Variants in PAPSS1 observed in about 807,000 individuals in gnomAD.
The protein encoded by PAPSS1 is bifunctional 3'-phosphoadenosine 5'-phosphosulfate synthase 1.
A neutral mutation model predicts 72.0 loss-of-function variants in PAPSS1; 50 were observed. The ratio of observed to expected loss-of-function variants is 0.69; its 90% CI spans 0.55 to 0.88. PAPSS1 has a LOEUF of 0.88. Among genes scored for constraint, PAPSS1 ranks in the 40% least tolerant of loss-of-function variants. PAPSS1 has a pLI of 0.00. For synonymous variants in PAPSS1, 261 were observed against 263.6 expected (o/e 0.99, Z 0.09); for missense variants, 657 against 782.2 (o/e 0.84, Z 1.91).
chr4:107,694,168 A>T (rs535545365), intron 2 of PAPSS1, 162 bp from the exon 3 acceptor site: 1 of 588,288 alleles, frequency 1.7e-6, no homozygotes, highest in Non-Finnish European at 3.0e-6. Context: ...GACTCAAGAG[A>T]TCATGCCTCA....
intron 10 of PAPSS1, among the ~76,000 whole-genome samples, chr4:107,634,166 C>T (rs148642381): frequency 4.8e-4 from 73 of 151,824 alleles, no homozygotes; most frequent in African/African-American, 1.5e-3. Flanking sequence ...CACAGAGATG[C>T]GCCACCATGC....
chr4:107,631,885 T>A, intron 10 of PAPSS1, 25 bp from the exon 11 acceptor site: 2 of 1,517,966 alleles, frequency 1.3e-6, no homozygotes, highest in Non-Finnish European at 1.8e-6. Flanking sequence ...TCATTTTAGG[T>A]AACTTTGCTT....
At chr4:107,655,802 T>C (rs1293370978) in intron 7 of PAPSS1, among the ~76,000 whole-genome samples, 2 of 152,134 alleles carry the variant, frequency 1.3e-5, no homozygotes, top group Non-Finnish European at 2.9e-5. Flanking sequence ...GACTAAATCA[T>C]CGTAAAGGAG....
intron 1 of PAPSS1, among the ~76,000 whole-genome samples, chr4:107,706,861 G>T (rs928618298): frequency 2.0e-5 from 3 of 152,208 alleles, no homozygotes; most frequent in African/African-American, 7.2e-5. Flanking sequence ...AGGCTGGCCT[G>T]GTATCTGGGT....
chr4:107,657,651 C>T (rs972584360), intron 6 of PAPSS1, among the ~76,000 whole-genome samples: 8 of 151,760 alleles, frequency 5.3e-5, no homozygotes, highest in African/African-American at 1.7e-4. Context: ...GGCCAGGAAT[C>T]GCTTGAGCCC....
chr4:107,685,376 C>T (rs1177368751), intron 4 of PAPSS1, among the ~76,000 whole-genome samples: 5 of 152,164 alleles, frequency 3.3e-5, no homozygotes, highest in Non-Finnish European at 5.9e-5. Context: ...CCTCACCAAT[C>T]CATTCTTTCA....
chr4:107,660,118 T>C (rs748625124), intron 5 of PAPSS1, 46 bp from the exon 6 acceptor site: 9 of 984,012 alleles, frequency 9.1e-6, no homozygotes, highest in African/African-American at 1.7e-5. Flanking sequence ...TTCAAGAATT[T>C]AGAGTTCACC....
intron 5 of PAPSS1, among the ~76,000 whole-genome samples, chr4:107,661,200 A>T (rs1210694342): frequency 6.6e-6 from 1 of 152,242 alleles, no homozygotes; most frequent in African/African-American, 2.4e-5. Flanking sequence ...CACTGACAAC[A>T]TCTAATGTTG....
intron 10 of PAPSS1, among the ~76,000 whole-genome samples, chr4:107,642,808 C>T (rs1726583594): frequency 6.6e-6 from 1 of 152,114 alleles, no homozygotes; most frequent in Admixed American, 6.5e-5. Context: ...AAAGGACACT[C>T]AAGTACTGGT....
chr4:107,716,852 T>C (rs551359532), intron 1 of PAPSS1, among the ~76,000 whole-genome samples: 3 of 152,358 alleles, frequency 2.0e-5, no homozygotes, highest in African/African-American at 7.2e-5. Flanking sequence ...CCCATCTCTT[T>C]GCCTATTGTC....
At chr4:107,656,842 A>T in intron 7 of PAPSS1, 54 bp downstream of exon 7, 1 of 1,215,638 alleles carries the variant, frequency 8.2e-7, no homozygotes, top group East Asian at 2.3e-5. Flanking sequence ...AATCTCTGCA[A>T]CTATGTAATT....
chr4:107,645,056 A>C lies in PAPSS1; in HGVS notation c.1252T>G (p.Phe418Val). 6.6e-7 allele frequency: 1 copy of C among 1,523,386 alleles called. No homozygotes were observed. Among genetic ancestry groups the C allele is most frequent in the Non-Finnish European group, 8.8e-7 (1 of 1,133,630 alleles). The allele number at this position is 1,523,386 out of a possible 1,614,324, so 94.4% of individuals were successfully genotyped here. A position where few individuals can be genotyped will look rare whatever the true frequency, so the allele number is the denominator to read the frequency against. ...TTGTGCACTGGGTTGCGTAGTTGAA[A>C]TGCAAAGACAGCATCTGAAAAGAGA... ...KDMNADAVFA[F>V]QLRNPVHNGH... Residue 418 changes from phenylalanine to valine, a missense_variant, in exon 10 of 12, where the codon TTT (phenylalanine) becomes GTT (valine). Phe to Val is a conservative substitution (Grantham distance 50). Around this residue, in one of 7 missense-constraint regions of PAPSS1, gnomAD observed 166 missense variants for 228.3 expected, o/e 0.73. Transcript: ENST00000265174.
intron 11 of PAPSS1, among the ~76,000 whole-genome samples, chr4:107,625,607 G>C (rs1726073679): frequency 6.6e-6 from 1 of 152,188 alleles, no homozygotes; most frequent in Admixed American, 6.5e-5. Context: ...CTTCAGATAA[G>C]AACCCAACCT....
chr4:107,642,839 G>A (rs556138564), intron 10 of PAPSS1, among the ~76,000 whole-genome samples: 5 of 152,174 alleles, frequency 3.3e-5, no homozygotes, highest in Admixed American at 1.3e-4. Context: ...ACTGCTGATG[G>A]GAGTGTAAAA....
chr4:107,648,713 AT>A (rs1416398222), intron 9 of PAPSS1, among the ~76,000 whole-genome samples: 1 of 152,212 alleles, frequency 6.6e-6, no homozygotes, highest in African/African-American at 2.4e-5. Context: ...CTAAATCAAT[AT>A]AGCAGCTAAA....
chr4:107,705,136 T>A (rs1363678384), intron 1 of PAPSS1, among the ~76,000 whole-genome samples: 1 of 152,230 alleles, frequency 6.6e-6, no homozygotes, highest in Non-Finnish European at 1.5e-5. Context: ...TCTAGTGTCC[T>A]TTTGTGGCTT....
intron 1 of PAPSS1, among the ~76,000 whole-genome samples, chr4:107,714,245 A>C (rs1723579091): frequency 1.3e-5 from 2 of 152,106 alleles, no homozygotes; most frequent in Admixed American, 6.6e-5. Context: ...TCCTCTTAGT[A>C]ATTTTCCATC....
Position 107,693,852 on chromosome 4 carries a change from A to C in PAPSS1, c.330T>G (p.Val110=). The change falls in exon 3 of 12, where the codon GTT becomes GTG. Residue 110 remains valine, a synonymous_variant. Coordinates refer to ENST00000265174, the MANE Select transcript of PAPSS1 (RefSeq NM_005443.5). ...GFSPEDREEN[V]RRIAEVAKLF... Reference sequence around the variant, plus strand: ...GTTTAGCAACTTCTGCGATGCGTCGAACATTCTCTTCTCTGTCTTCAGGAC... The same window carrying C: ...GTTTAGCAACTTCTGCGATGCGTCGCACATTCTCTTCTCTGTCTTCAGGAC... 6.2e-7 allele frequency: 1 copy of C among 1,613,960 alleles called. No individual in the cohort carries two copies. The highest frequency in any genetic ancestry group is 8.5e-7 in the Non-Finnish European group (1 of 1,179,878).
intron 10 of PAPSS1, among the ~76,000 whole-genome samples, chr4:107,637,150 A>G (rs2110306468): frequency 6.6e-6 from 1 of 152,352 alleles, no homozygotes; most frequent in South Asian, 2.1e-4. Flanking sequence ...ACCTCCACAC[A>G]CATTTATAAT....
Sources: gnomAD v4.1 joint callset for allele counts (sites outside exome capture counted in the v4.1 genomes callset) on GRCh38, gnomAD v4.1.1 for gene constraint, gnomAD v4.1.1 regional missense constraint, MANE v1.5 for transcripts, NCBI Gene and HGNC (gene_info 2026-07-23, HGNC 2026-07-21) for gene names.